The following PHACTR4 variants were observed in gnomAD, a reference collection of about 807,000 sequenced individuals.
PHACTR4 encodes phosphatase and actin regulator 4.
In PHACTR4, 51 loss-of-function variants were observed where a neutral mutation model predicts 72.7. That is an observed-to-expected ratio of 0.70 (90% CI 0.56 to 0.89). PHACTR4 has a LOEUF of 0.89. Ranked by LOEUF, PHACTR4 falls within the 40% of genes least tolerant of loss-of-function variation. PHACTR4 has a pLI of 0.00. For missense variants in PHACTR4, 731 were observed against 861.8 expected, an observed-to-expected ratio of 0.85 and a Z score of 1.90; for synonymous variants, 255 against 302.5, an observed-to-expected ratio of 0.84 and a Z score of 1.63.
chr1:28,457,348 G>A, intron 2 of PHACTR4: 1 of 443,598 alleles, frequency 2.3e-6, no homozygotes, highest in South Asian at 1.6e-5. Context: ...TAATCCCAGT[G>A]CTTTTGGGAG....
chr1:28,483,512 T>G (rs893242683), intron 9 of PHACTR4, among the ~76,000 whole-genome samples: 1 of 150,558 alleles, frequency 6.6e-6, no homozygotes, highest in African/African-American at 2.4e-5. Context: ...AAAAAAGAGA[T>G]AAATCATGGC....
chr1:28,461,314 A>T (rs1482294068), intron 4 of PHACTR4, among the ~76,000 whole-genome samples: 4 of 152,010 alleles, frequency 2.6e-5, no homozygotes, highest in Non-Finnish European at 5.9e-5. Flanking sequence ...AGTAGCAGGC[A>T]CCTGTAGTAC....
intron 1 of PHACTR4, among the ~76,000 whole-genome samples, chr1:28,381,424 G>T (rs1464137146): frequency 6.7e-6 from 1 of 148,350 alleles, no homozygotes; most frequent in Admixed American, 6.8e-5. Context: ...TTAGCCTCCC[G>T]AGTAGCTGGG....
intron 2 of PHACTR4, among the ~76,000 whole-genome samples, chr1:28,429,573 T>G (rs1240494543): frequency 6.6e-6 from 1 of 152,210 alleles, no homozygotes; most frequent in Non-Finnish European, 1.5e-5. Context: ...TGGATGAATA[T>G]TCTGCCAGGG....
intron 2 of PHACTR4, among the ~76,000 whole-genome samples, chr1:28,421,997 G>C (rs904171503): frequency 1.3e-5 from 2 of 152,122 alleles, no homozygotes; most frequent in Non-Finnish European, 2.9e-5. Flanking sequence ...ATAAATTTTT[G>C]TTGGCTCACT....
intron 2 of PHACTR4, among the ~76,000 whole-genome samples, chr1:28,425,367 T>G (rs1655773612): frequency 6.6e-6 from 1 of 152,216 alleles, no homozygotes; most frequent in South Asian, 2.1e-4. Flanking sequence ...TCTGCCTGCC[T>G]TGGCCTCCCA....
At chr1:28,448,749 G>A (rs1255468319) in intron 2 of PHACTR4, among the ~76,000 whole-genome samples, 2 of 107,644 alleles carry the variant, frequency 1.9e-5, no homozygotes, top group Non-Finnish European at 1.7e-5. Context: ...GCGACAGAGC[G>A]AGACTCCATC....
Position 28,415,776 on chromosome 1 carries a change from G to A in PHACTR4, c.16+8313G>A, listed in dbSNP as rs185547049. Reference sequence around the variant, plus strand: ...TGCAAAGGCTTTATTCATATGCATGGCATTCTGGAAACAAATTTATAAGAT... The same window carrying A: ...TGCAAAGGCTTTATTCATATGCATGACATTCTGGAAACAAATTTATAAGAT... On this transcript the variant is annotated intron_variant, in intron 2 of 13. Transcript: ENST00000373839. Among the ~76,000 whole-genome samples, 9 of 152,254 alleles carry A rather than the reference G, an allele frequency of 5.9e-5. No homozygotes were observed. In the East Asian group the frequency reaches 1.7e-3, roughly 29 times the overall value.
chr1:28,481,271 C>T (rs1437097116), intron 9 of PHACTR4: 1 of 152,252 alleles, frequency 6.6e-6, no homozygotes, highest in East Asian at 1.9e-4. Flanking sequence ...CTCAAACATT[C>T]CTCCCACGTT....
intron 2 of PHACTR4, chr1:28,433,021 G>C (rs956273378): frequency 1.0e-6 from 1 of 975,206 alleles, no homozygotes; most frequent in Admixed American, 6.2e-5. Context: ...GGGATTAGAG[G>C]CGTGAGCCAC....
chr1:28,486,858 CA>C (rs1049202012), intron 9 of PHACTR4, among the ~76,000 whole-genome samples: 38 of 135,342 alleles, frequency 2.8e-4, no homozygotes, highest in African/African-American at 4.3e-4. Context: ...GACTCTGTCT[CA>C]AAAAAAAAAA....
intron 1 of PHACTR4, among the ~76,000 whole-genome samples, chr1:28,394,542 T>C (rs1653328403): frequency 6.6e-6 from 1 of 151,460 alleles, no homozygotes. Context: ...CTTCTTGCTT[T>C]GACCTACAGA....
At chr1:28,465,233 G>A (rs191129566) in intron 4 of PHACTR4, among the ~76,000 whole-genome samples, 4 of 152,110 alleles carry the variant, frequency 2.6e-5, no homozygotes, top group Admixed American at 1.3e-4. Context: ...GGGCTGAGGC[G>A]GGCAGATCAC....
At chr1:28,427,807 A>G (rs909339798) in intron 2 of PHACTR4, among the ~76,000 whole-genome samples, 2 of 152,168 alleles carry the variant, frequency 1.3e-5, no homozygotes, top group Admixed American at 1.3e-4. Context: ...CAACACCTAG[A>G]ATGATACCTG....
At chr1:28,463,615 T>C (rs1404898919) in intron 4 of PHACTR4, among the ~76,000 whole-genome samples, 1 of 152,240 alleles carries the variant, frequency 6.6e-6, no homozygotes, top group African/African-American at 2.4e-5. Flanking sequence ...GTTGTTGTCA[T>C]CTTACCCCCA....
At chr1:28,480,113 T>A (rs1401291033) in intron 8 of PHACTR4, among the ~76,000 whole-genome samples, 6 of 152,172 alleles carry the variant, frequency 3.9e-5, no homozygotes, top group African/African-American at 1.4e-4. Flanking sequence ...ACAGATAGAC[T>A]ATGAGGTGTT....
intron 2 of PHACTR4, among the ~76,000 whole-genome samples, chr1:28,435,474 A>G (rs1307770964): frequency 6.6e-6 from 1 of 152,200 alleles, no homozygotes; most frequent in African/African-American, 2.4e-5. Context: ...CATGTTGGCC[A>G]GGCTGGTCTC....
At chr1:28,412,165 A>G (rs1410237984) in intron 2 of PHACTR4, among the ~76,000 whole-genome samples, 1 of 152,216 alleles carries the variant, frequency 6.6e-6, no homozygotes, top group Non-Finnish European at 1.5e-5. Flanking sequence ...CCAAAATAGG[A>G]ATTTCACTTG....
chr1:28,487,562 G>T (rs1660750055), intron 9 of PHACTR4, among the ~76,000 whole-genome samples: 1 of 143,460 alleles, frequency 7.0e-6, no homozygotes. Context: ...AGAAAGAAAA[G>T]TTGTATATAG....
Sources: gnomAD v4.1 joint callset for allele counts (sites outside exome capture counted in the v4.1 genomes callset) on GRCh38, gnomAD v4.1.1 for gene constraint, MANE v1.5 for transcripts, NCBI Gene and HGNC (gene_info 2026-07-23, HGNC 2026-07-21) for gene names.